CSNK1G1: variants seen among roughly 807,000 people sequenced by gnomAD.
The protein encoded by CSNK1G1 is casein kinase 1 gamma 1.
CSNK1G1 carries 22 observed loss-of-function variants against 59.6 expected under a neutral mutation model. The ratio of observed to expected loss-of-function variants is 0.37; its 90% CI spans 0.26 to 0.53. The LOEUF (loss-of-function observed/expected upper bound fraction) is 0.53. Among genes scored for constraint, CSNK1G1 ranks in the 20% least tolerant of loss-of-function variants. CSNK1G1 has a pLI of 0.89. For missense variants in CSNK1G1, 384 were observed against 519.5 expected (o/e 0.74, Z 2.54); for synonymous variants, 179 against 177.1 (o/e 1.01, Z -0.08).
In CSNK1G1 at chr15:64,188,549, A is replaced by G. The variant is rs375937691; in HGVS notation, c.1108-8095T>C. The G allele has an allele frequency of 1.4e-3, 1,740 of 1,234,420 alleles. 29 individuals are homozygous for G. In the South Asian group the frequency reaches 0.022, roughly 15 times the overall value. The allele number at this position is 1,234,420 out of a possible 1,614,324, so 76.5% of individuals were successfully genotyped here. ...AGGAAAGGTGAAGCAACAGCAAGCA[A>G]TAACAAAATCAAGTACATTCGTGTC... is the stretch of plus-strand genomic sequence containing the variant. On this transcript the variant is annotated intron_variant, in intron 10 of 11. Transcript: ENST00000303052. The surrounding 1 kb of genome is among the most constrained non-coding windows in gnomAD (Gnocchi z 4.2).
At chr15:64,277,600 T>C (rs1418339293) in intron 2 of CSNK1G1, among the ~76,000 whole-genome samples, 2 of 138,172 alleles carry the variant, frequency 1.4e-5, no homozygotes, top group Non-Finnish European at 3.1e-5. Context: ...ATATATTTAA[T>C]AATATATTAA....
rs2082288427 is a variant in CSNK1G1, at chr15:64,214,681, G to A, written c.445-557C>T. On this transcript the variant is annotated intron_variant, in intron 5 of 11. Coordinates refer to ENST00000303052, the MANE Select transcript of CSNK1G1 (RefSeq NM_022048.5). This position sits in a 1 kb window ranked among gnomAD's most constrained non-coding sequence, Gnocchi z 4.3. The stretch of plus-strand genomic sequence containing the variant: ...GTTCATTATTATTATTATTATTTTT[G>A]AGACGGAGTCTTGCTCTGTCACCCA... Among the ~76,000 whole-genome samples, 2 of 152,058 alleles carry A rather than the reference G, an allele frequency of 1.3e-5. No homozygotes were observed. Among genetic ancestry groups the A allele is most frequent in the Admixed American group, 1.3e-4 (2 of 15,254 alleles).
chr15:64,313,598 T>TG (rs1244849888), intron 1 of CSNK1G1, among the ~76,000 whole-genome samples: 1 of 151,774 alleles, frequency 6.6e-6, no homozygotes, highest in African/African-American at 2.4e-5. Context: ...TGGGGCCTGT[T>TG]GGGGGGTGTG....
At chr15:64,276,330 T>G (rs1384593845) in intron 2 of CSNK1G1, among the ~76,000 whole-genome samples, 1 of 152,210 alleles carries the variant, frequency 6.6e-6, no homozygotes, top group Non-Finnish European at 1.5e-5. Context: ...TATTTTTGTA[T>G]TTTTAAAATT....
intron 1 of CSNK1G1, among the ~76,000 whole-genome samples, chr15:64,326,643 CAA>C (rs780561572): frequency 3.6e-5 from 5 of 137,968 alleles, no homozygotes; most frequent in African/African-American, 2.7e-5. Flanking sequence ...AACTCTGTAT[CAA>C]AAAAAAAAAA....
Position 64,176,208 on chromosome 15 carries a change from T to C in CSNK1G1, c.1214+4140A>G. On this transcript the variant is annotated intron_variant, in intron 11 of 11. Coordinates refer to ENST00000303052, the MANE Select transcript of CSNK1G1 (RefSeq NM_022048.5). This position sits in a 1 kb window ranked among gnomAD's most constrained non-coding sequence, Gnocchi z 5.2. ...AAGGCATTTTGTTTGGCTTTGCCAG[T>C]CCCAGCCTAGTCTGGTCCACTCCCC... 4 of 398,786 alleles carry C rather than the reference T, an allele frequency of 1.0e-5. No homozygotes were observed. In the Admixed American group the frequency reaches 1.3e-4, roughly 13 times the overall value. The allele number at this position is 398,786 out of a possible 1,614,324, so 24.7% of individuals were successfully genotyped here.
intron 2 of CSNK1G1, among the ~76,000 whole-genome samples, chr15:64,287,143 G>C (rs1259979466): frequency 6.6e-6 from 1 of 152,084 alleles, no homozygotes; most frequent in Non-Finnish European, 1.5e-5. Flanking sequence ...AGCTACTTGT[G>C]ATGTCTTGGA....
At chr15:64,234,226 T>C (rs993769837) in intron 4 of CSNK1G1, among the ~76,000 whole-genome samples, 3 of 152,090 alleles carry the variant, frequency 2.0e-5, no homozygotes, top group Admixed American at 1.3e-4. Context: ...CTTTACCCAG[T>C]GAACGGGATT....
chr15:64,227,324 C>T (rs917302372), intron 4 of CSNK1G1, among the ~76,000 whole-genome samples: 2 of 152,192 alleles, frequency 1.3e-5, no homozygotes, highest in Admixed American at 1.3e-4. Context: ...TTCAGAGTTG[C>T]AATATTTCTA....
chr15:64,337,601 C>G (rs1236519105), intron 1 of CSNK1G1, among the ~76,000 whole-genome samples: 2 of 152,142 alleles, frequency 1.3e-5, no homozygotes, highest in Non-Finnish European at 2.9e-5. Context: ...TCCCAAAGCT[C>G]TGGGATTACA....
intron 4 of CSNK1G1, among the ~76,000 whole-genome samples, chr15:64,218,106 C>T (rs946610847): frequency 2.6e-5 from 4 of 151,804 alleles, no homozygotes; most frequent in African/African-American, 7.3e-5. Flanking sequence ...CTCTACCACA[C>T]CAGACTAAAT....
intron 6 of CSNK1G1, among the ~76,000 whole-genome samples, chr15:64,212,280 A>C (rs2082258215): frequency 6.6e-6 from 1 of 152,220 alleles, no homozygotes; most frequent in African/African-American, 2.4e-5. Context: ...ATAACATCAT[A>C]ATTTCAAATC....
intron 4 of CSNK1G1, among the ~76,000 whole-genome samples, chr15:64,223,813 A>C (rs1160305382): frequency 6.6e-6 from 1 of 152,220 alleles, no homozygotes; most frequent in Non-Finnish European, 1.5e-5. Context: ...TATGGCTCAC[A>C]CGTACATCAA....
chr15:64,244,892 T>C (rs940396701), intron 4 of CSNK1G1, among the ~76,000 whole-genome samples: 1 of 151,804 alleles, frequency 6.6e-6, no homozygotes. Context: ...CAAAATATAC[T>C]ACAAAGCTAC....
intron 2 of CSNK1G1, among the ~76,000 whole-genome samples, chr15:64,294,366 G>A (rs986331246): frequency 2.6e-5 from 4 of 151,868 alleles, no homozygotes; most frequent in African/African-American, 9.7e-5. Flanking sequence ...GAGGCACCAC[G>A]CCCAGCCATA....
In CSNK1G1 at chr15:64,166,348, A is replaced by G. The variant is rs2081602917; in HGVS notation, c.*5583T>C. ...GGGTATATATTTTTGGTTTATCTTT[A>G]TCTTTTCTGCTGTTATTTTTTTTCT... On this transcript the variant is annotated 3_prime_UTR_variant, in exon 12 of 12. Transcript: ENST00000303052. The surrounding 1 kb of genome is among the most constrained non-coding windows in gnomAD (Gnocchi z 4.5). 4.5e-6 allele frequency: 1 copy of G among 224,152 alleles called. No homozygotes were observed. The highest frequency in any genetic ancestry group is 8.6e-6 in the Non-Finnish European group (1 of 115,892). 13.9% of individuals were successfully genotyped at this position (224,152 alleles called of 1,614,324 possible).
intron 10 of CSNK1G1, among the ~76,000 whole-genome samples, chr15:64,196,748 A>T (rs1481794827): frequency 6.6e-6 from 1 of 151,054 alleles, no homozygotes; most frequent in Non-Finnish European, 1.5e-5. Flanking sequence ...CACCATGCCC[A>T]GCAATCACCT....
intron 1 of CSNK1G1, among the ~76,000 whole-genome samples, chr15:64,327,744 C>A (rs1413430889): frequency 1.4e-5 from 2 of 146,802 alleles, no homozygotes; most frequent in South Asian, 4.4e-4. Context: ...GGAGGACATT[C>A]AAACCAAAGG....
At chr15:64,208,710 A>T (rs2082213956) in intron 6 of CSNK1G1, among the ~76,000 whole-genome samples, 1 of 151,780 alleles carries the variant, frequency 6.6e-6, no homozygotes, top group African/African-American at 2.4e-5. Flanking sequence ...ATTTATTTTT[A>T]TTTTTTGTGA....
Sources: gnomAD v4.1 joint callset for allele counts (sites outside exome capture counted in the v4.1 genomes callset) on GRCh38, gnomAD v4.1.1 for gene constraint, Gnocchi (gnomAD v3.1) non-coding constraint, MANE v1.5 for transcripts, NCBI Gene and HGNC (gene_info 2026-07-23, HGNC 2026-07-21) for gene names.